Variants in LRP1B observed in about 807,000 individuals in gnomAD.
The protein encoded by LRP1B is low-density lipoprotein receptor-related protein 1B.
A neutral mutation model predicts 556.6 loss-of-function variants in LRP1B; 217 were observed. That is an observed-to-expected ratio of 0.39 (90% confidence interval 0.35 to 0.44). LRP1B has a LOEUF of 0.44. LRP1B is among the 20% of genes least tolerant of loss of function. The pLI is 1.00. For missense variants in LRP1B, 5,053 were observed against 5,620.8 expected (o/e 0.90, Z 3.23); for synonymous variants, 2,047 against 1,865.8 (o/e 1.10, Z -2.50).
chr2:142,042,770 G>A (rs1293033631), intron 1 of LRP1B, among the ~76,000 whole-genome samples: 2 of 151,494 alleles, frequency 1.3e-5, no homozygotes, highest in Admixed American at 6.6e-5. Context: ...AGTCAAGTGG[G>A]AATTTATCCA....
At chr2:141,126,338 A>C (rs1205088192) in intron 7 of LRP1B, among the ~76,000 whole-genome samples, 1 of 152,010 alleles carries the variant, frequency 6.6e-6, no homozygotes, top group African/African-American at 2.4e-5. Context: ...CTGCCCTTTA[A>C]TAGCTATTTT....
chr2:141,877,053 T>C (rs1698789166), intron 1 of LRP1B, among the ~76,000 whole-genome samples: 1 of 152,014 alleles, frequency 6.6e-6, no homozygotes, highest in Non-Finnish European at 1.5e-5. Flanking sequence ...TTAAAATAAA[T>C]TTATAATTTT....
chr2:141,145,776 G>A (rs116802699), intron 7 of LRP1B, among the ~76,000 whole-genome samples: 12,028 of 151,796 alleles, frequency 0.079, 621 homozygotes, highest in Middle Eastern at 0.19. Context: ...CGGGTGATCC[G>A]CACACCTCTG....
chr2:141,961,358 G>C (rs893386374), intron 1 of LRP1B, among the ~76,000 whole-genome samples: 6 of 151,620 alleles, frequency 4.0e-5, no homozygotes, highest in Non-Finnish European at 7.4e-5. Context: ...TGGGAGAGAG[G>C]AGACAAGATA....
chr2:140,659,794 T>C (rs1317471933), intron 41 of LRP1B, among the ~76,000 whole-genome samples: 1 of 151,994 alleles, frequency 6.6e-6, no homozygotes, highest in Non-Finnish European at 1.5e-5. Flanking sequence ...CACAAAACTT[T>C]ATATTAGGGT....
chr2:141,801,975 AATTT>A (rs961314176), intron 2 of LRP1B, among the ~76,000 whole-genome samples: 23 of 152,216 alleles, frequency 1.5e-4, no homozygotes, highest in Middle Eastern at 6.8e-3. Context: ...AAGCAACAGA[AATTT>A]ATTTTCCTAC....
chr2:141,711,736 G>A (rs1305801340), intron 2 of LRP1B, among the ~76,000 whole-genome samples: 1 of 152,112 alleles, frequency 6.6e-6, no homozygotes, highest in Non-Finnish European at 1.5e-5. Context: ...CCTACTCACA[G>A]TTTTCTGATT....
At chr2:140,365,467 G>T (rs868074813) in intron 71 of LRP1B, among the ~76,000 whole-genome samples, 65 of 151,712 alleles carry the variant, frequency 4.3e-4, no homozygotes, top group African/African-American at 1.4e-3. Context: ...TCTGCCACAC[G>T]CAAAGGACCT....
chr2:141,239,300 G>A (rs538841816), intron 5 of LRP1B, among the ~76,000 whole-genome samples: 12 of 152,070 alleles, frequency 7.9e-5, no homozygotes, highest in Non-Finnish European at 1.5e-5. Flanking sequence ...CTTGGCAATA[G>A]ATGTGACTGA....
At chr2:141,698,165 G>C (rs1205529738) in intron 2 of LRP1B, among the ~76,000 whole-genome samples, 1 of 151,842 alleles carries the variant, frequency 6.6e-6, no homozygotes, top group African/African-American at 2.4e-5. Context: ...GCGGTGGAGG[G>C]TGGCGAGGTA....
chr2:140,915,946 T>C (rs1694565577), intron 21 of LRP1B, among the ~76,000 whole-genome samples: 1 of 151,794 alleles, frequency 6.6e-6, no homozygotes, highest in Admixed American at 6.6e-5. Context: ...GAGAATGGTG[T>C]GAACCCAGGA....
chr2:141,833,794 T>G, intron 1 of LRP1B, among the ~76,000 whole-genome samples: 1 of 151,524 alleles, frequency 6.6e-6, no homozygotes, highest in East Asian at 1.9e-4. Context: ...TACAAAAGGC[T>G]AAAGGAATAG....
chr2:140,354,382 C>A (rs1682116078), intron 75 of LRP1B, among the ~76,000 whole-genome samples: 1 of 152,034 alleles, frequency 6.6e-6, no homozygotes, highest in South Asian at 2.1e-4. Context: ...TGCCTAAGAA[C>A]ACATAAGCAT....
At chr2:142,056,086 G>T (rs1452038112) in intron 1 of LRP1B, among the ~76,000 whole-genome samples, 3 of 152,118 alleles carry the variant, frequency 2.0e-5, no homozygotes, top group Non-Finnish European at 4.4e-5. Flanking sequence ...AGGAGGTGGA[G>T]GTTGCAGTGA....
At position 141,112,489 on chromosome 2, in the gene LRP1B, G is replaced by A. The variant is rs1700780489; in HGVS notation, c.1014-50216C>T. On this transcript the variant is annotated intron_variant, in intron 7 of 90. Transcript: ENST00000389484. ...AGACCAGTGTGATGTGCCTTACAGG[G>A]AAAAAAATACGTTAAAATAAGCTTT... is the stretch of plus-strand genomic sequence containing the variant. 2.0e-5 allele frequency among the ~76,000 whole-genome samples: 3 copies of A among 152,170 alleles called. No homozygotes were observed. In the South Asian group the frequency reaches 6.2e-4, roughly 32 times the overall value.
chr2:140,723,019 G>A (rs1276025818), intron 35 of LRP1B, among the ~76,000 whole-genome samples: 1 of 152,042 alleles, frequency 6.6e-6, no homozygotes, highest in East Asian at 1.9e-4. Flanking sequence ...CTCCAGCCTG[G>A]GTGACAGAGC....
intron 5 of LRP1B, among the ~76,000 whole-genome samples, chr2:141,231,023 G>A (rs1683439552): frequency 1.3e-5 from 2 of 152,188 alleles, no homozygotes; most frequent in South Asian, 4.1e-4. Flanking sequence ...TCTCACACCA[G>A]AAGACTTTAG....
chr2:140,503,172 T>G (rs1270672046), intron 53 of LRP1B, 69 bp from the exon 54 acceptor site: 12 of 1,370,068 alleles, frequency 8.8e-6, no homozygotes, highest in South Asian at 1.2e-5. Flanking sequence ...ATCTCCTCAA[T>G]GTACACTACA....
At chr2:141,657,019 A>G (rs1690037046) in intron 2 of LRP1B, among the ~76,000 whole-genome samples, 1 of 152,128 alleles carries the variant, frequency 6.6e-6, no homozygotes, top group East Asian at 1.9e-4. Context: ...CTCTTTTGGA[A>G]CAACAAACTT....
Sources: gnomAD v4.1 joint callset for allele counts (sites outside exome capture counted in the v4.1 genomes callset) on GRCh38, gnomAD v4.1.1 for gene constraint, MANE v1.5 for transcripts, NCBI Gene and HGNC (gene_info 2026-07-23, HGNC 2026-07-21) for gene names.